RGP1: variants seen among roughly 807,000 people sequenced by gnomAD.
RGP1 encodes RGP1 partner of RAB6A GEF complex.
A neutral mutation model predicts 44.5 loss-of-function variants in RGP1; 28 were observed. The observed-to-expected ratio is 0.63, with a 90% CI of 0.47 to 0.86. RGP1 has a LOEUF of 0.86. Among genes scored for constraint, RGP1 ranks in the 40% least tolerant of loss-of-function variants. The probability of loss-of-function intolerance (pLI) is 0.00; values close to 1 mark genes in which losing one functional copy is unlikely to be tolerated. For missense variants in RGP1, 417 were observed against 490.7 expected, an observed-to-expected ratio of 0.85 and a Z score of 1.42; for synonymous variants, 212 against 196.7, an observed-to-expected ratio of 1.08 and a Z score of -0.65.
rs1402926790 is a variant in RGP1 at position 35,751,390 on chromosome 9, T to A, written c.612T>A (p.Ala204=). The A allele has an allele frequency of 6.2e-7, 1 of 1,613,984 alleles. No homozygotes were observed. Among genetic ancestry groups the A allele is most frequent in the Non-Finnish European group, 8.5e-7 (1 of 1,179,886 alleles). The change falls in exon 6 of 9, where the codon GCT becomes GCA. Residue 204 remains alanine (A), a synonymous_variant. Transcript: ENST00000378078. The part of the protein sequence containing the change: ...LAELAGERLM[A]ATSCRSLHLY... ...AGCTGGCTGGGGAACGCCTAATGGC[T>A]GCCACATCCTGCCGCAGCCTCCGTG...
chr9:35,781,188 T>C, the RGP1 span, among the ~76,000 whole-genome samples: 1 of 151,766 alleles, frequency 6.6e-6, no homozygotes, highest in Non-Finnish European at 1.5e-5. Context: ...GGGCATAGAA[T>C]AACATGACCC....
At chr9:35,761,344 G>C (rs1030788459), downstream of RGP1, among the ~76,000 whole-genome samples, 1 of 152,188 alleles carries the variant, frequency 6.6e-6, no homozygotes, top group African/African-American at 2.4e-5. Context: ...TCTACTTCTA[G>C]TACACTGGAA....
the RGP1 span, among the ~76,000 whole-genome samples, chr9:35,778,890 A>G: frequency 2.0e-5 from 3 of 152,190 alleles, no homozygotes; most frequent in Non-Finnish European, 2.9e-5. Flanking sequence ...CTGATGTTCT[A>G]TCTCCAGTCT....
In RGP1 at chr9:35,750,659, T is replaced by G; in HGVS notation, c.255T>G (p.Gly85=). 1.2e-6 allele frequency: 2 copies of G among 1,613,816 alleles called. No individual in the cohort carries two copies. The highest frequency in any genetic ancestry group is 1.7e-6 in the Non-Finnish European group (2 of 1,179,718). Residue 85 remains glycine, a splice_region_variant and synonymous_variant, in exon 4 of 9, where the codon GGT becomes GGG. Coordinates refer to ENST00000378078, the MANE Select transcript of RGP1 (RefSeq NM_001080496.3). ...DSQTVFLPHR[G]ERGQCILSTP... Reference sequence around the variant, plus strand: ...ATTAGTCATTTTTACCTTTTTCAGGTGAGAGGGGCCAGTGTATCCTTTCTA... The same window carrying G: ...ATTAGTCATTTTTACCTTTTTCAGGGGAGAGGGGCCAGTGTATCCTTTCTA...
At chr9:35,751,447 T>A (rs748272416) in intron 6 of RGP1, 35 bp downstream of exon 6, 1 of 1,612,758 alleles carries the variant, frequency 6.2e-7, no homozygotes, top group Non-Finnish European at 8.5e-7. Context: ...TACCCCATCC[T>A]TCCCCTCATT....
At chr9:35,776,521 A>G in the RGP1 span, among the ~76,000 whole-genome samples, 3 of 151,862 alleles carry the variant, frequency 2.0e-5, no homozygotes, top group African/African-American at 7.3e-5. Context: ...TCCTAACCTC[A>G]GGTGATCTAC....
chr9:35,789,306 C>T, the RGP1 span, among the ~76,000 whole-genome samples: 1 of 150,334 alleles, frequency 6.7e-6, no homozygotes, highest in Non-Finnish European at 1.5e-5. Context: ...GCGTGAGCCA[C>T]TGCACCAGGC....
chr9:35,752,648 T>C lies in RGP1; in HGVS notation c.953-3T>C, dbSNP rs1827285502. On this transcript the variant is annotated splice_polypyrimidine_tract_variant and splice_region_variant and intron_variant, in intron 8 of 8. Transcript: ENST00000378078. ...CTTCTACCTTAATCTTTTTCTTCCA[T>C]AGTGTCCTTGAAGTGGAGATTGCAT... The C allele has an allele frequency of 1.9e-6, 3 of 1,604,864 alleles. No homozygotes were observed. The highest frequency in any genetic ancestry group is 1.7e-4 in the Middle Eastern group (1 of 6,052).
chr9:35,752,654 C>T lies in RGP1; in HGVS notation c.956C>T (p.Ser319Phe). ...STPGFCTAIVSLKWRLHFEFV... is the reference protein window; with the variant it reads ...STPGFCTAIVFLKWRLHFEFV... ...CCTTAATCTTTTTCTTCCATAGTGTCCTTGAAGTGGAGATTGCATTTTGAA... is the reference window on the plus strand; with the variant it reads ...CCTTAATCTTTTTCTTCCATAGTGTTCTTGAAGTGGAGATTGCATTTTGAA... Residue 319 changes from serine to phenylalanine, a missense_variant, in exon 9 of 9, where the codon TCC (serine) becomes TTC (phenylalanine). Transcript: ENST00000378078. The T allele has an allele frequency of 2.5e-6, 4 of 1,608,192 alleles. No individual in the cohort carries two copies. Among genetic ancestry groups the T allele is most frequent in the Non-Finnish European group, 3.4e-6 (4 of 1,176,780 alleles).
At chr9:35,782,827 A>T in the RGP1 span, among the ~76,000 whole-genome samples, 2 of 139,078 alleles carry the variant, frequency 1.4e-5, no homozygotes, top group African/African-American at 2.8e-5. Flanking sequence ...TTTTTTTTTG[A>T]GACTGAGTTT....
intron 5 of RGP1, 100 bp from the exon 6 acceptor site, chr9:35,751,166 C>T (rs1326423126): frequency 7.3e-6 from 11 of 1,500,206 alleles, no homozygotes; most frequent in Non-Finnish European, 1.0e-5. Flanking sequence ...GCCCTGGCAC[C>T]CCTTACCTTT....
At chr9:35,751,488 C>T in intron 6 of RGP1, 76 bp downstream of exon 6, 1 of 1,600,538 alleles carries the variant, frequency 6.2e-7, no homozygotes, top group Non-Finnish European at 8.6e-7. Context: ...GTCTCCTAAC[C>T]ACCACACACT....
At chr9:35,783,101 G>A in the RGP1 span, among the ~76,000 whole-genome samples, 8 of 152,190 alleles carry the variant, frequency 5.3e-5, no homozygotes, top group Non-Finnish European at 1.0e-4. Flanking sequence ...GAGCCACTGC[G>A]CCTGGCCCTT....
At chr9:35,764,684 A>C in the RGP1 span, among the ~76,000 whole-genome samples, 1 of 151,632 alleles carries the variant, frequency 6.6e-6, no homozygotes, top group African/African-American at 2.4e-5. Context: ...TTTACTCCTC[A>C]CTCATTGCAA....
chr9:35,777,633 T>G, the RGP1 span, among the ~76,000 whole-genome samples: 122 of 152,308 alleles, frequency 8.0e-4, no homozygotes, highest in African/African-American at 2.9e-3. Context: ...ACTTGTTTCT[T>G]GTAAGATGTT....
chr9:35,786,849 A>C, the RGP1 span: 2 of 152,114 alleles, frequency 1.3e-5, no homozygotes, highest in African/African-American at 4.8e-5. Context: ...TAATCCCAGC[A>C]CTTTGGGAGG....
In RGP1 at chr9:35,753,377, G is replaced by GC; in HGVS notation, c.*507dup. Reference sequence around the variant, plus strand: ...TCTCTCACAGTTTTCCCCCCACAGAGCCCCTTTCAGTGGCCCCTTGGTCCT... The same window carrying GC: ...TCTCTCACAGTTTTCCCCCCACAGAGCCCCCTTTCAGTGGCCCCTTGGTCCT... On this transcript the variant is annotated 3_prime_UTR_variant, in exon 9 of 9. Transcript: ENST00000378078. The surrounding 1 kb of genome is among the most constrained non-coding windows in gnomAD (Gnocchi z 4.2). 7.3e-7 allele frequency: 1 copy of GC among 1,374,506 alleles called. No individual in the cohort carries two copies. Among genetic ancestry groups the GC allele is most frequent in the Non-Finnish European group, 9.9e-7 (1 of 1,010,510 alleles). 85.1% of individuals were successfully genotyped at this position (1,374,506 alleles called of 1,614,324 possible).
At chr9:35,751,132 C>A in intron 5 of RGP1, 134 bp from the exon 6 acceptor site, 2 of 1,450,822 alleles carry the variant, frequency 1.4e-6, no homozygotes, top group South Asian at 1.3e-5. Context: ...AGGGAGGGTT[C>A]TGGAGATAGA....
the RGP1 span, among the ~76,000 whole-genome samples, chr9:35,784,809 A>C: frequency 1.3e-5 from 2 of 151,938 alleles, no homozygotes; most frequent in Non-Finnish European, 2.9e-5. Flanking sequence ...GGGTCTCACT[A>C]TGTTGCCCAG....
Sources: gnomAD v4.1 joint callset for allele counts (sites outside exome capture counted in the v4.1 genomes callset) on GRCh38, gnomAD v4.1.1 for gene constraint, Gnocchi (gnomAD v3.1) non-coding constraint, MANE v1.5 for transcripts, NCBI Gene and HGNC (gene_info 2026-07-23, HGNC 2026-07-21) for gene names.